The following COL14A1 variants were observed in gnomAD, a reference collection of about 807,000 sequenced individuals.
COL14A1 encodes collagen type XIV alpha 1 chain, also known as collagen alpha-1(XIV) chain.
Under a neutral mutation model 230.3 loss-of-function variants are expected in COL14A1, and 136 were observed. The observed-to-expected ratio is 0.59, with a 90% CI of 0.51 to 0.68. The LOEUF is 0.68. Ranked by LOEUF, COL14A1 falls within the 30% of genes least tolerant of loss-of-function variation. The probability of loss-of-function intolerance (pLI) is 0.00; values close to 1 mark genes in which losing one functional copy is unlikely to be tolerated. For synonymous variants in COL14A1, 792 were observed against 784.1 expected (o/e 1.01, Z -0.17); for missense variants, 1,976 against 2,215.8 (o/e 0.89, Z 2.17).
intron 5 of COL14A1, among the ~76,000 whole-genome samples, chr8:120,177,711 T>C (rs75081708): frequency 2.4e-4 from 34 of 143,236 alleles, no homozygotes; most frequent in African/African-American, 3.1e-4. Context: ...TATATATATA[T>C]ACATACACAC....
At chr8:120,163,743 A>G (rs951123376) in intron 4 of COL14A1, among the ~76,000 whole-genome samples, 1 of 152,206 alleles carries the variant, frequency 6.6e-6, no homozygotes, top group Non-Finnish European at 1.5e-5. Context: ...AGCCTGGGCA[A>G]CAAGAGCAAA....
At chr8:120,221,462 A>G (rs1463727044) in intron 14 of COL14A1, among the ~76,000 whole-genome samples, 1 of 152,172 alleles carries the variant, frequency 6.6e-6, no homozygotes, top group Non-Finnish European at 1.5e-5. Context: ...CATTAGATGA[A>G]GTAAAATAAT....
chr8:120,225,264 TA>T, intron 15 of COL14A1, 50 bp downstream of exon 15: 1 of 1,552,508 alleles, frequency 6.4e-7, no homozygotes, highest in Non-Finnish European at 8.7e-7. Flanking sequence ...GCTATTAATA[TA>T]TAGAAACCAG....
At chr8:120,202,852 G>A (rs1422933641) in intron 8 of COL14A1, among the ~76,000 whole-genome samples, 1 of 151,574 alleles carries the variant, frequency 6.6e-6, no homozygotes, top group East Asian at 1.9e-4. Flanking sequence ...TAGATACTGT[G>A]GAAGGACCAG....
intron 42 of COL14A1, among the ~76,000 whole-genome samples, chr8:120,334,847 G>A (rs1821997280): frequency 6.6e-6 from 1 of 152,172 alleles, no homozygotes; most frequent in Non-Finnish European, 1.5e-5. Context: ...TAAGCCACAT[G>A]CACAGAAACT....
chr8:120,318,182 C>T (rs532094030), intron 40 of COL14A1, among the ~76,000 whole-genome samples: 4 of 152,272 alleles, frequency 2.6e-5, no homozygotes, highest in South Asian at 2.1e-4. Flanking sequence ...ATCAATCAGC[C>T]GTGTCTTCAT....
intron 45 of COL14A1, among the ~76,000 whole-genome samples, chr8:120,366,171 T>C (rs1010646144): frequency 3.3e-5 from 5 of 152,254 alleles, no homozygotes; most frequent in African/African-American, 9.6e-5. Context: ...TTACATCTAA[T>C]TTGTTGACAG....
intron 1 of COL14A1, among the ~76,000 whole-genome samples, chr8:120,130,117 G>A (rs981487857): frequency 7.9e-5 from 12 of 152,282 alleles, no homozygotes; most frequent in Admixed American, 7.2e-4. Flanking sequence ...AAAACTACAC[G>A]ATGATGTAAA....
intron 45 of COL14A1, among the ~76,000 whole-genome samples, chr8:120,364,244 A>G (rs1392685673): frequency 1.3e-5 from 2 of 152,054 alleles, no homozygotes; most frequent in African/African-American, 2.4e-5. Flanking sequence ...ATGACTTTAT[A>G]CCCAGGCTCC....
intron 5 of COL14A1, among the ~76,000 whole-genome samples, chr8:120,191,257 T>C (rs1327147331): frequency 1.3e-5 from 2 of 148,520 alleles, no homozygotes; most frequent in African/African-American, 2.5e-5. Flanking sequence ...TTTGTTCTCA[T>C]TGGTTTCAAA....
chr8:120,337,401 TAAAAA>T (rs60418574), intron 42 of COL14A1, among the ~76,000 whole-genome samples: 1 of 129,458 alleles, frequency 7.7e-6, no homozygotes, highest in Non-Finnish European at 1.6e-5. Context: ...GTCTCAAAAT[TAAAAA>T]AAAAAAAAAA....
At chr8:120,163,561 C>G (rs935528957) in intron 4 of COL14A1, among the ~76,000 whole-genome samples, 2 of 151,964 alleles carry the variant, frequency 1.3e-5, no homozygotes, top group African/African-American at 2.4e-5. Context: ...GTCAGGAGTT[C>G]GAGACCAGCC....
chr8:120,369,565 T>A lies in COL14A1; in HGVS notation c.5311+80T>A, dbSNP rs1237839431. On this transcript the variant is annotated intron_variant, in intron 47 of 47. Transcript: ENST00000297848. ...TAGTACCAAAATGGGAAGATAGTGC[T>A]ATGAAAAAAGTTAAATTGGTTATGA... The A allele has an allele frequency of 3.7e-6, 5 of 1,347,442 alleles. No homozygotes were observed. In the African/African-American group the frequency reaches 6.0e-5, roughly 16 times the overall value. The allele number at this position is 1,347,442 out of a possible 1,614,324, so 83.5% of individuals were successfully genotyped here. A position where few individuals can be genotyped will look rare whatever the true frequency, so the allele number is the denominator to read the frequency against.
At chr8:120,291,297 C>CA (rs1206042862) in intron 34 of COL14A1, among the ~76,000 whole-genome samples, 1 of 152,080 alleles carries the variant, frequency 6.6e-6, no homozygotes, top group Non-Finnish European at 1.5e-5. Context: ...AGCAGTGCCT[C>CA]ACGCCTGTAA....
chr8:120,227,242 A>G lies in COL14A1; in HGVS notation c.2027A>G (p.Asp676Gly). The change falls in exon 17 of 48, where the codon GAC becomes GGC. Residue 676 changes from aspartate to glycine, a missense_variant. Asp to Gly is a moderately conservative substitution (Grantham distance 94). Transcript: ENST00000297848. ...TEEVVLKEEQ[D>G]SHVIEGLEPG... ...CAGGTTGTCCTGAAAGAAGAGCAGG[A>G]CTCACATGTTATTGAAGGCCTGGAG... 1 of 1,613,954 alleles carries G rather than the reference A, an allele frequency of 6.2e-7. No individual in the cohort carries two copies. Among genetic ancestry groups the G allele is most frequent in the Non-Finnish European group, 8.5e-7 (1 of 1,179,950 alleles).
chr8:120,255,780 A>G (rs576108406), intron 23 of COL14A1, among the ~76,000 whole-genome samples: 11 of 147,946 alleles, frequency 7.4e-5, no homozygotes, highest in African/African-American at 2.5e-4. Flanking sequence ...TGTTTTTCTT[A>G]GTGTTTTTTT....
chr8:120,169,175 G>A (rs999254123), intron 5 of COL14A1, among the ~76,000 whole-genome samples: 4 of 151,978 alleles, frequency 2.6e-5, no homozygotes, highest in African/African-American at 9.7e-5. Context: ...CCTTTTGATG[G>A]GCATTTAATG....
chr8:120,192,206 T>G (rs967212453), intron 5 of COL14A1, among the ~76,000 whole-genome samples: 9 of 152,176 alleles, frequency 5.9e-5, no homozygotes, highest in African/African-American at 1.9e-4. Context: ...TCCATGTTTA[T>G]TGCTTCCTTC....
chr8:120,344,169 C>A (rs1484729927), intron 44 of COL14A1, among the ~76,000 whole-genome samples: 3 of 152,124 alleles, frequency 2.0e-5, no homozygotes, highest in South Asian at 2.1e-4. Context: ...AGAAGGAAAT[C>A]AAAAAGGTTG....
Sources: gnomAD v4.1 joint callset for allele counts (sites outside exome capture counted in the v4.1 genomes callset) on GRCh38, gnomAD v4.1.1 for gene constraint, MANE v1.5 for transcripts, NCBI Gene and HGNC (gene_info 2026-07-23, HGNC 2026-07-21) for gene names.